Variants in PRR5 observed in about 807,000 individuals in gnomAD.
The protein encoded by PRR5 is proline-rich protein 5.
Under a neutral mutation model 30.6 loss-of-function variants are expected in PRR5, and 25 were observed. The observed-to-expected ratio is 0.82, with a 90% CI of 0.60 to 1.14. PRR5 has a LOEUF of 1.14. PRR5 is among the 50% of genes most tolerant of loss of function. The pLI is 0.00. For synonymous variants in PRR5, 286 were observed against 247.1 expected (o/e 1.16, Z -1.48); for missense variants, 600 against 547.1 (o/e 1.10, Z -0.96).
rs938998099 is a variant in PRR5 at position 44,730,423 on chromosome 22, G to A, written c.323-1307G>A. On this transcript the variant is annotated intron_variant, in intron 4 of 7. Coordinates refer to ENST00000336985, the MANE Select transcript of PRR5 (RefSeq NM_181333.4). Reference sequence around the variant, plus strand: ...ACCCAGCAGCCCTCATCCCAGCTCCGCTCAGTCCAGGCAGAAAGGCCAAGG... The same window carrying A: ...ACCCAGCAGCCCTCATCCCAGCTCCACTCAGTCCAGGCAGAAAGGCCAAGG... 20 of 985,348 alleles carry A rather than the reference G, an allele frequency of 2.0e-5. No homozygotes were observed. In the East Asian group the frequency reaches 4.5e-4, roughly 22 times the overall value. 61.0% of individuals were successfully genotyped at this position (985,348 alleles called of 1,614,324 possible). A position where few individuals can be genotyped will look rare whatever the true frequency, so the allele number is the denominator to read the frequency against.
chr22:44,694,038 G>A (rs1569073803), intron 1 of PRR5, among the ~76,000 whole-genome samples: 1 of 152,092 alleles, frequency 6.6e-6, no homozygotes, highest in Non-Finnish European at 1.5e-5. Context: ...TCCGAATACT[G>A]TCACATTCAT....
chr22:44,695,399 C>T (rs1371684132), intron 1 of PRR5, among the ~76,000 whole-genome samples: 1 of 152,102 alleles, frequency 6.6e-6, no homozygotes, highest in Non-Finnish European at 1.5e-5. Context: ...GGCACCAGCC[C>T]GAGGTTGGAC....
intron 4 of PRR5, among the ~76,000 whole-genome samples, chr22:44,727,023 G>T (rs1469837754): frequency 6.6e-6 from 1 of 152,164 alleles, no homozygotes; most frequent in Non-Finnish European, 1.5e-5. Flanking sequence ...ACAGAGGAGG[G>T]GACAGGGTGG....
chr22:44,696,777 C>T (rs1925791675), intron 1 of PRR5, among the ~76,000 whole-genome samples: 1 of 147,724 alleles, frequency 6.8e-6, no homozygotes, highest in African/African-American at 2.6e-5. Flanking sequence ...TGCTCTGTCG[C>T]CCAGGCTAGA....
chr22:44,699,500 C>T (rs945802589), upstream of PRR5, among the ~76,000 whole-genome samples: 1 of 152,272 alleles, frequency 6.6e-6, no homozygotes, highest in Non-Finnish European at 1.5e-5. Context: ...CCAGCCTGGG[C>T]ACTTTTATGA....
At chr22:44,727,088 A>C (rs1482779988) in intron 4 of PRR5, among the ~76,000 whole-genome samples, 1 of 143,294 alleles carries the variant, frequency 7.0e-6, no homozygotes, top group Non-Finnish European at 1.5e-5. Flanking sequence ...TGGGACCTTC[A>C]GGTTATTGTT....
intron 5 of PRR5, 112 bp from the exon 6 acceptor site, chr22:44,732,138 AG>A: frequency 6.6e-7 from 1 of 1,512,744 alleles, no homozygotes; most frequent in Non-Finnish European, 8.9e-7. Context: ...AACGGGGTGG[AG>A]GGGCCTGAGG....
At chr22:44,688,440 T>C (rs751178264) in intron 1 of PRR5, among the ~76,000 whole-genome samples, 2 of 152,140 alleles carry the variant, frequency 1.3e-5, no homozygotes, top group African/African-American at 4.8e-5. Context: ...GTGCAACTAG[T>C]AGAGCATAAT....
intron 1 of PRR5, among the ~76,000 whole-genome samples, chr22:44,670,935 G>A (rs1282150944): frequency 1.3e-5 from 2 of 152,204 alleles, no homozygotes; most frequent in African/African-American, 4.8e-5. Context: ...ACATGTGTGA[G>A]AAGAACAGAG....
upstream of PRR5, among the ~76,000 whole-genome samples, chr22:44,701,693 T>C (rs1436462011): frequency 3.3e-5 from 5 of 152,164 alleles, no homozygotes; most frequent in Admixed American, 2.0e-4. Flanking sequence ...GAAGTCCCTG[T>C]CCAAGGGGGT....
At chr22:44,731,210 C>CGGTGGTCGCCGTATCATTAAAAAAAAA in intron 4 of PRR5, 1 of 265,334 alleles carries the variant, frequency 3.8e-6, no homozygotes, top group Non-Finnish European at 7.5e-6. Context: ...GTGTAGGTCT[C>CGGTGGTCGCCGTATCATTAAAAAAAAA]ACCTGTGCCA....
At chr22:44,671,932 T>C (rs998584346) in intron 1 of PRR5, among the ~76,000 whole-genome samples, 7 of 152,342 alleles carry the variant, frequency 4.6e-5, no homozygotes, top group African/African-American at 1.7e-4. Flanking sequence ...TGTAAAGTAG[T>C]GATGTCATTC....
chr22:44,676,564 G>A (rs551321340), upstream of PRR5, among the ~76,000 whole-genome samples: 1 of 152,196 alleles, frequency 6.6e-6, no homozygotes, highest in African/African-American at 2.4e-5. Context: ...GGGCCAGCAG[G>A]ATGGGGGGTT....
chr22:44,682,098 C>T (rs1270416146), intron 1 of PRR5, among the ~76,000 whole-genome samples: 4 of 152,334 alleles, frequency 2.6e-5, no homozygotes, highest in Admixed American at 2.0e-4. Context: ...GCCAGCAGAG[C>T]TGAGATGTCC....
chr22:44,719,673 T>G (rs1929637934), intron 2 of PRR5, among the ~76,000 whole-genome samples: 1 of 152,204 alleles, frequency 6.6e-6, no homozygotes, highest in Non-Finnish European at 1.5e-5. Flanking sequence ...GCGTCCCATG[T>G]GGCTCATACT....
At chr22:44,700,593 C>T (rs1388056407), upstream of PRR5, among the ~76,000 whole-genome samples, 2 of 152,160 alleles carry the variant, frequency 1.3e-5, no homozygotes, top group Non-Finnish European at 1.5e-5. Context: ...CCACTGCATT[C>T]AACCTGGGCC....
At chr22:44,679,759 ACT>A in intron 1 of PRR5, 3 of 1,521,258 alleles carry the variant, frequency 2.0e-6, no homozygotes, top group East Asian at 4.8e-5. Context: ...GCTCTGGGAC[ACT>A]CAGTCTGATG....
At chr22:44,731,014 C>G in intron 4 of PRR5, 1 of 369,974 alleles carries the variant, frequency 2.7e-6, no homozygotes, top group Non-Finnish European at 5.7e-6. Flanking sequence ...AGTAGGTGTT[C>G]TGTGTTTGTT....
intron 1 of PRR5, among the ~76,000 whole-genome samples, chr22:44,706,266 CAT>C (rs1569084289): frequency 3.9e-5 from 6 of 152,160 alleles, no homozygotes; most frequent in African/African-American, 1.4e-4. Context: ...TTGATTGATT[CAT>C]TCATTCATTC....
Sources: gnomAD v4.1 joint callset for allele counts (sites outside exome capture counted in the v4.1 genomes callset) on GRCh38, gnomAD v4.1.1 for gene constraint, MANE v1.5 for transcripts, NCBI Gene and HGNC (gene_info 2026-07-23, HGNC 2026-07-21) for gene names.